Variants in TFDP1 observed in about 807,000 individuals in gnomAD.
TFDP1 encodes DRTF1-polypeptide 1.
In TFDP1, 6 loss-of-function variants were observed where a neutral mutation model predicts 48.0. The ratio of observed to expected loss-of-function variants is 0.13; its 90% CI spans 0.07 to 0.25. TFDP1 has a LOEUF of 0.25. Among genes scored for constraint, TFDP1 ranks in the 10% least tolerant of loss-of-function variants. The probability of loss-of-function intolerance (pLI) is 1.00; values close to 1 mark genes in which losing one functional copy is unlikely to be tolerated. For synonymous variants in TFDP1, 201 were observed against 211.6 expected (o/e 0.95, Z 0.44); for missense variants, 335 against 543.0 (o/e 0.62, Z 3.81).
chr13:113,602,969 C>CT (rs1163873887), intron 2 of TFDP1, among the ~76,000 whole-genome samples: 1 of 81,260 alleles, frequency 1.2e-5, no homozygotes, highest in East Asian at 3.1e-4. Flanking sequence ...AATAGTTGAG[C>CT]TAAAAAAAAA....
At chr13:113,620,180 C>G (rs1280291189) in intron 3 of TFDP1, among the ~76,000 whole-genome samples, 1 of 152,204 alleles carries the variant, frequency 6.6e-6, no homozygotes, top group Non-Finnish European at 1.5e-5. Context: ...AGATGGAGGG[C>G]AGGCCGGATG....
chr13:113,595,172 A>G (rs1200237306), intron 2 of TFDP1, among the ~76,000 whole-genome samples: 1 of 152,176 alleles, frequency 6.6e-6, no homozygotes, highest in African/African-American at 2.4e-5. Context: ...GAGATAATTA[A>G]AAAAAAGACG....
chr13:113,624,895 C>T (rs1215499713), intron 4 of TFDP1, among the ~76,000 whole-genome samples: 1 of 139,154 alleles, frequency 7.2e-6, no homozygotes, highest in Non-Finnish European at 1.5e-5. Flanking sequence ...TCTCACGTGT[C>T]CTCCGGTGTC....
chr13:113,618,940 GT>G (rs1346578325), intron 3 of TFDP1, among the ~76,000 whole-genome samples: 1 of 152,204 alleles, frequency 6.6e-6, no homozygotes, highest in Admixed American at 6.5e-5. Flanking sequence ...ATAGCCTTAG[GT>G]TCAGCACATC....
chr13:113,622,378 C>T (rs948336684), intron 3 of TFDP1, among the ~76,000 whole-genome samples: 1 of 152,250 alleles, frequency 6.6e-6, no homozygotes, highest in South Asian at 2.1e-4. Flanking sequence ...CTTGCTGCCT[C>T]TGTGTGGCCG....
At chr13:113,601,424 A>G (rs910361515) in intron 2 of TFDP1, among the ~76,000 whole-genome samples, 18 of 116,746 alleles carry the variant, frequency 1.5e-4, no homozygotes, top group Non-Finnish European at 2.6e-4. Context: ...TGCGTAGGGC[A>G]GCTCGCTGGT....
intron 8 of TFDP1, 64 bp from the exon 9 acceptor site, chr13:113,635,913 C>T (rs1309110193): frequency 1.3e-6 from 2 of 1,565,184 alleles, no homozygotes; most frequent in Non-Finnish European, 1.7e-6. Context: ...GTGAGGACCC[C>T]TCGAGCACAG....
chr13:113,619,883 G>A (rs868225770), intron 3 of TFDP1, among the ~76,000 whole-genome samples: 14 of 152,144 alleles, frequency 9.2e-5, no homozygotes, highest in African/African-American at 3.4e-4. Context: ...CTTGGGCTCC[G>A]AAACCCTTTA....
intron 3 of TFDP1, among the ~76,000 whole-genome samples, chr13:113,611,490 C>T (rs544831041): frequency 2.5e-4 from 38 of 152,362 alleles, no homozygotes; most frequent in African/African-American, 8.4e-4. Flanking sequence ...ACCTTTAACG[C>T]TTCGCGTGTG....
chr13:113,602,808 C>T (rs1441925704), intron 2 of TFDP1, among the ~76,000 whole-genome samples: 1 of 152,028 alleles, frequency 6.6e-6, no homozygotes, highest in African/African-American at 2.4e-5. Context: ...CCTGTGATGT[C>T]GGGACTGCAG....
At chr13:113,606,338 C>T (rs1449822571) in intron 2 of TFDP1, among the ~76,000 whole-genome samples, 2 of 152,130 alleles carry the variant, frequency 1.3e-5, no homozygotes, top group East Asian at 1.9e-4. Context: ...AGGAATCCAC[C>T]GCTCACAGCT....
chr13:113,624,977 A>ATGTCCTCAGGTGTCTCTCACG, intron 4 of TFDP1, among the ~76,000 whole-genome samples: 1 of 67,894 alleles, frequency 1.5e-5, no homozygotes. Context: ...TATCTCTCAC[A>ATGTCCTCAGGTGTCTCTCACG]TGTCCTCAGG....
intron 10 of TFDP1, chr13:113,637,054 C>T: frequency 4.7e-6 from 1 of 212,984 alleles, no homozygotes; most frequent in Non-Finnish European, 9.3e-6. Flanking sequence ...GCTGATCCCA[C>T]CCACTGATGG....
chr13:113,634,164 C>A, intron 7 of TFDP1, 131 bp downstream of exon 7: 1 of 1,281,336 alleles, frequency 7.8e-7, no homozygotes, highest in Non-Finnish European at 1.1e-6. Flanking sequence ...GACGGTCATG[C>A]AGACGTCTCC....
chr13:113,600,692 TGA>T (rs1404608982), intron 2 of TFDP1, among the ~76,000 whole-genome samples: 8 of 132,562 alleles, frequency 6.0e-5, no homozygotes, highest in Admixed American at 1.6e-4. Flanking sequence ...CTCAGGATGG[TGA>T]GAGAGAATCC....
chr13:113,589,758 G>T (rs1290941547), intron 2 of TFDP1, among the ~76,000 whole-genome samples: 6 of 152,212 alleles, frequency 3.9e-5, no homozygotes, highest in African/African-American at 1.4e-4. Context: ...AGCTGCAGGG[G>T]CTCAAGTTGT....
At position 113,640,429 on chromosome 13, in the gene TFDP1, A is replaced by G. The variant is rs1296562992; in HGVS notation, c.*162A>G. 43 of 1,224,688 alleles carry G rather than the reference A, an allele frequency of 3.5e-5. No individual in the cohort carries two copies. The highest frequency in any genetic ancestry group is 4.6e-5 in the Non-Finnish European group (42 of 903,700). The allele number at this position is 1,224,688 out of a possible 1,614,324, so 75.9% of individuals were successfully genotyped here. A position where few individuals can be genotyped will look rare whatever the true frequency, so the allele number is the denominator to read the frequency against. Reference sequence around the variant, plus strand: ...CTGATAAGCAAGGATTGTTTCCCGTAGGATTAGGACGTGCTGTGGATGTGT... The same window carrying G: ...CTGATAAGCAAGGATTGTTTCCCGTGGGATTAGGACGTGCTGTGGATGTGT... On this transcript the variant is annotated 3_prime_UTR_variant, in exon 12 of 12. Coordinates refer to ENST00000375370, the MANE Select transcript of TFDP1 (RefSeq NM_007111.5).
chr13:113,586,868 G>T (rs2048018213), intron 2 of TFDP1, among the ~76,000 whole-genome samples: 1 of 152,210 alleles, frequency 6.6e-6, no homozygotes, highest in Non-Finnish European at 1.5e-5. Flanking sequence ...GTCATATCTG[G>T]CTGTGCTGCG....
rs550773836 is a variant in TFDP1 at position 113,627,572 on chromosome 13, G to T, written c.187-4051G>T. 1.9e-3 allele frequency among the ~76,000 whole-genome samples: 294 copies of T among 152,280 alleles called. 4 individuals carry two copies. Among genetic ancestry groups the T allele is most frequent in the African/African-American group, 6.4e-3 (264 of 41,554 alleles). ...ACATCGTAATCTCAGTTTTTAGAGT[G>T]TGTGAAATTAAGGTGCAAAAAGTGT... On this transcript the variant is annotated intron_variant, in intron 4 of 11. Transcript: ENST00000375370. The surrounding 1 kb of genome is among the most constrained non-coding windows in gnomAD (Gnocchi z 4.1).
Sources: allele counts gnomAD v4.1 joint callset (sites outside exome capture counted in the v4.1 genomes callset), GRCh38; gene constraint gnomAD v4.1.1; non-coding constraint Gnocchi (gnomAD v3.1); transcripts MANE v1.5; gene names NCBI Gene and HGNC (gene_info 2026-07-23, HGNC 2026-07-21).